KIF13A: variants seen among roughly 807,000 people sequenced by gnomAD.
KIF13A encodes the protein kinesin-like protein KIF13A.
A neutral mutation model predicts 212.2 loss-of-function variants in KIF13A; 79 were observed. The observed-to-expected ratio is 0.37, with a 90% CI of 0.31 to 0.45. The LOEUF (loss-of-function observed/expected upper bound fraction) is 0.45, where lower values mean the gene tolerates loss of function less well. KIF13A is among the 20% of genes least tolerant of loss of function. The pLI is 1.00. For missense variants in KIF13A, 1,901 were observed against 2,209.0 expected (o/e 0.86, Z 2.79); for synonymous variants, 789 against 808.6 (o/e 0.98, Z 0.41).
intron 2 of KIF13A, among the ~76,000 whole-genome samples, chr6:17,985,180 CAGA>C (rs1395768156): frequency 3.3e-5 from 5 of 152,284 alleles, no homozygotes; most frequent in Non-Finnish European, 1.5e-5. Context: ...TTAGATCCGT[CAGA>C]AGGACAAAAC....
chr6:17,855,333 G>A lies in KIF13A; in HGVS notation c.494+104C>T. ...CTGTAAATGAATGAAAACCAGTGTA[G>A]TCACCAAGAGCTTAAATACGTATAT... On this transcript the variant is annotated intron_variant, in intron 6 of 38. Coordinates refer to ENST00000259711, the MANE Select transcript of KIF13A (RefSeq NM_022113.6). The surrounding 1 kb of genome is among the most constrained non-coding windows in gnomAD (Gnocchi z 4.1). The A allele has an allele frequency of 2.3e-6, 2 of 852,638 alleles. No homozygotes were observed. The highest frequency in any genetic ancestry group is 5.3e-5 in the Admixed American group (2 of 37,878). 52.8% of individuals were successfully genotyped at this position (852,638 alleles called of 1,614,324 possible).
rs1759703514 is a variant in KIF13A, at chr6:17,773,810, A to C, written c.4219-227T>G. On this transcript the variant is annotated intron_variant, in intron 35 of 38. Transcript: ENST00000259711. This position sits in a 1 kb window ranked among gnomAD's most constrained non-coding sequence, Gnocchi z 4.2. ...TGTTAATATTTTATTATATTTGCTCAAGTTTAATAAAATTATTACAAATGT... is the reference window on the plus strand; with the variant it reads ...TGTTAATATTTTATTATATTTGCTCCAGTTTAATAAAATTATTACAAATGT... Among the ~76,000 whole-genome samples, 1 of 152,176 alleles carries C rather than the reference A, an allele frequency of 6.6e-6. No homozygotes were observed. Among genetic ancestry groups the C allele is most frequent in the African/African-American group, 2.4e-5 (1 of 41,412 alleles).
rs1772798345 is a variant in KIF13A at position 17,898,704 on chromosome 6, T to A, written c.147-524A>T. ...CATATTTTTTAACACTGAATAGACA[T>A]TTAAAAGCAAGTTTCCATTTTTTCC... is the stretch of plus-strand genomic sequence containing the variant. On this transcript the variant is annotated intron_variant, in intron 2 of 38. Transcript: ENST00000259711. The surrounding 1 kb of genome is among the most constrained non-coding windows in gnomAD (Gnocchi z 5.2). Among the ~76,000 whole-genome samples the A allele has an allele frequency of 6.6e-6, 1 of 152,138 alleles. No homozygotes were observed. The highest frequency in any genetic ancestry group is 2.4e-5 in the African/African-American group (1 of 41,396).
chr6:17,936,850 A>AC (rs1776514743), intron 2 of KIF13A, among the ~76,000 whole-genome samples: 2 of 152,330 alleles, frequency 1.3e-5, no homozygotes, highest in East Asian at 1.9e-4. Context: ...TTGAAAAAAA[A>AC]ATGAGTAGCA....
intron 2 of KIF13A, among the ~76,000 whole-genome samples, chr6:17,952,972 AGAG>A (rs1778009942): frequency 6.6e-6 from 1 of 151,614 alleles, no homozygotes; most frequent in Non-Finnish European, 1.5e-5. Flanking sequence ...GAAGAGAGGA[AGAG>A]GAGAAGAAGA....
In KIF13A at chr6:17,836,144, G is replaced by T. The variant is rs138026241; in HGVS notation, c.1155+734C>A. Among the ~76,000 whole-genome samples, 3 of 152,296 alleles carry T rather than the reference G, an allele frequency of 2.0e-5. No homozygotes were observed. In the East Asian group the frequency reaches 5.8e-4, roughly 29 times the overall value. ...AGTTTCAGTAAAGCCAAAGAAAGAA[G>T]ATAACAATGCAAAAAGATTTTGTTT... On this transcript the variant is annotated intron_variant, in intron 11 of 38. Coordinates refer to ENST00000259711, the MANE Select transcript of KIF13A (RefSeq NM_022113.6).
intron 17 of KIF13A, among the ~76,000 whole-genome samples, chr6:17,814,982 T>C (rs1210348344): frequency 1.3e-5 from 2 of 152,032 alleles, no homozygotes; most frequent in African/African-American, 4.8e-5. Context: ...CAGAGACCGG[T>C]AGTGGCCCCG....
downstream of KIF13A, among the ~76,000 whole-genome samples, chr6:17,762,236 G>A (rs1245933816): frequency 1.4e-5 from 2 of 142,658 alleles, no homozygotes; most frequent in African/African-American, 2.6e-5. Flanking sequence ...TTTTTGAGAC[G>A]GAGTCTTGCT....
Position 17,780,067 on chromosome 6 carries a change from T to C in KIF13A, c.3847-383A>G, listed in dbSNP as rs908518862. 3.3e-5 allele frequency among the ~76,000 whole-genome samples: 5 copies of C among 152,238 alleles called. No homozygotes were observed. The East Asian group carries it at 9.6e-4, about 29-fold the overall frequency. On this transcript the variant is annotated intron_variant, in intron 31 of 38. Coordinates refer to ENST00000259711, the MANE Select transcript of KIF13A (RefSeq NM_022113.6). ...AGCCAGTTATTTTGTATTTTACAAA[T>C]TGTAGAAGCATTACAAGTTACTATG... is the stretch of plus-strand genomic sequence containing the variant.
intron 17 of KIF13A, chr6:17,812,387 G>C (rs548611860): frequency 6.6e-6 from 1 of 151,842 alleles, no homozygotes; most frequent in African/African-American, 2.4e-5. Context: ...TCTGTCCATC[G>C]GTTCCCATGA....
chr6:17,770,995 T>C (rs1759443394), intron 38 of KIF13A, 119 bp downstream of exon 38: 2 of 657,440 alleles, frequency 3.0e-6, no homozygotes, highest in Non-Finnish European at 5.1e-6. Flanking sequence ...ACATTTTTAT[T>C]TTCTTTAAGA....
Position 17,764,543 on chromosome 6 carries a change from T to C in KIF13A, c.4985A>G (p.Asp1662Gly), listed in dbSNP as rs777530318. Residue 1662 changes from aspartate to glycine, a missense_variant, in exon 39 of 39, where the codon GAC becomes GGC. Transcript: ENST00000259711. This position sits in a 1 kb window ranked among gnomAD's most constrained non-coding sequence, Gnocchi z 5.1. ...LTEVEKGLVKDKIIVVPLKEN... is the reference protein window; with the variant it reads ...LTEVEKGLVKGKIIVVPLKEN... ...CTTGAGTGGCACCACAATTATCTTG[T>C]CCTTTACCAAGCCTTTTTCGACTTC... is the stretch of plus-strand genomic sequence containing the variant. 1 of 1,613,994 alleles carries C rather than the reference T, an allele frequency of 6.2e-7. No individual in the cohort carries two copies.
In KIF13A at chr6:17,849,949, T is replaced by C. The variant is rs79744491; in HGVS notation, c.717+374A>G. 0.054 allele frequency among the ~76,000 whole-genome samples: 8,176 copies of C among 152,330 alleles called. 306 individuals carry two copies. The highest frequency in any genetic ancestry group is 0.078 in the Middle Eastern group (23 of 294). Reference sequence around the variant, plus strand: ...ATATATTAAAAGCTGTATGGTGATGTCATCACACTTGTTAGGGACTTTGCA... The same window carrying C: ...ATATATTAAAAGCTGTATGGTGATGCCATCACACTTGTTAGGGACTTTGCA... On this transcript the variant is annotated intron_variant, in intron 8 of 38. Transcript: ENST00000259711. The surrounding 1 kb of genome is among the most constrained non-coding windows in gnomAD (Gnocchi z 5.7).
rs888038303 is a variant in KIF13A at position 17,871,125 on chromosome 6, T to G, written c.220+2252A>C. Among the ~76,000 whole-genome samples, 1 of 152,208 alleles carries G rather than the reference T, an allele frequency of 6.6e-6. No homozygotes were observed. The highest frequency in any genetic ancestry group is 1.5e-5 in the Non-Finnish European group (1 of 68,040). ...CTTCTAGGCTTCCCTTTGACTAAAC[T>G]CTAAACAACTCATATGTTGACAAGT... On this transcript the variant is annotated intron_variant, in intron 4 of 38. Transcript: ENST00000259711. This position sits in a 1 kb window ranked among gnomAD's most constrained non-coding sequence, Gnocchi z 4.4.
At chr6:17,864,439 A>G (rs767137967) in intron 4 of KIF13A, among the ~76,000 whole-genome samples, 3 of 152,186 alleles carry the variant, frequency 2.0e-5, no homozygotes, top group Non-Finnish European at 4.4e-5. Flanking sequence ...AATTTCTACA[A>G]GCAAAGTCAC....
At position 17,915,552 on chromosome 6, in the gene KIF13A, T is replaced by A. The variant is rs1042681102; in HGVS notation, c.147-17372A>T. 1.3e-5 allele frequency among the ~76,000 whole-genome samples: 2 copies of A among 152,182 alleles called. No homozygotes were observed. Among genetic ancestry groups the A allele is most frequent in the African/African-American group, 4.8e-5 (2 of 41,444 alleles). ...TTGACAGCGTGCAGGACCTGCCACCTTGAGGACTCTGGGAGCAAGAGACCC... is the reference window on the plus strand; with the variant it reads ...TTGACAGCGTGCAGGACCTGCCACCATGAGGACTCTGGGAGCAAGAGACCC... On this transcript the variant is annotated intron_variant, in intron 2 of 38. Transcript: ENST00000259711. This position sits in a 1 kb window ranked among gnomAD's most constrained non-coding sequence, Gnocchi z 4.4.
chr6:17,760,862 G>A (rs1348182501), downstream of KIF13A: 17 of 1,613,624 alleles, frequency 1.1e-5, no homozygotes, highest in African/African-American at 4.0e-5. Context: ...TGCTCTCACC[G>A]TGAGGTTGTG....
intron 16 of KIF13A, among the ~76,000 whole-genome samples, chr6:17,824,097 G>C (rs1263084060): frequency 6.6e-6 from 1 of 151,528 alleles, no homozygotes; most frequent in Admixed American, 6.6e-5. Context: ...TTGGAGATAT[G>C]GGGTTTTGCC....
rs1482788288 is a variant in KIF13A, at chr6:17,926,233, C to T, written c.147-28053G>A. On this transcript the variant is annotated intron_variant, in intron 2 of 38. Transcript: ENST00000259711. The surrounding 1 kb of genome is among the most constrained non-coding windows in gnomAD (Gnocchi z 4.3). Reference sequence around the variant, plus strand: ...TCCTAAATTTATCTGTCTCCTGGTGCATTTCTTTATTTTTTTGAGGCAGAG... The same window carrying T: ...TCCTAAATTTATCTGTCTCCTGGTGTATTTCTTTATTTTTTTGAGGCAGAG... 6.6e-6 allele frequency among the ~76,000 whole-genome samples: 1 copy of T among 152,034 alleles called. No homozygotes were observed. The highest frequency in any genetic ancestry group is 1.5e-5 in the Non-Finnish European group (1 of 68,014).
Sources: allele counts gnomAD v4.1 joint callset (sites outside exome capture counted in the v4.1 genomes callset), GRCh38; gene constraint gnomAD v4.1.1; non-coding constraint Gnocchi (gnomAD v3.1); transcripts MANE v1.5; gene names NCBI Gene and HGNC (gene_info 2026-07-23, HGNC 2026-07-21).